Variants in MED12L observed in about 807,000 individuals in gnomAD.
The protein encoded by MED12L is mediator of RNA polymerase II transcription subunit 12-like protein.
Under a neutral mutation model 281.3 loss-of-function variants are expected in MED12L, and 60 were observed. That is an observed-to-expected ratio of 0.21 (90% CI 0.17 to 0.26). The LOEUF is 0.26. MED12L is among the 10% of genes least tolerant of loss of function. The pLI, the probability that MED12L is intolerant of heterozygous loss-of-function variation, is 1.00. For missense variants in MED12L, 2,146 were observed against 2,680.9 expected (o/e 0.80, Z 4.41); for synonymous variants, 974 against 987.2 (o/e 0.99, Z 0.25).
intron 21 of MED12L, among the ~76,000 whole-genome samples, chr3:151,362,511 G>A (rs994017091): frequency 1.3e-5 from 2 of 151,966 alleles, no homozygotes; most frequent in South Asian, 2.1e-4. Flanking sequence ...ACTCACGACT[G>A]TCTCCCTGAG....
chr3:151,264,411 A>G (rs1739455477), intron 16 of MED12L, among the ~76,000 whole-genome samples: 1 of 152,242 alleles, frequency 6.6e-6, no homozygotes, highest in African/African-American at 2.4e-5. Flanking sequence ...TCAGTTAGGA[A>G]AGAAGAAACT....
chr3:151,335,982 C>A (rs7621876), intron 16 of MED12L, among the ~76,000 whole-genome samples: 132,284 of 152,144 alleles, frequency 0.87, 57,675 homozygotes, highest in Middle Eastern at 0.95. Context: ...GTTTGTGTCC[C>A]CTCTGTAGTC....
At chr3:151,116,596 A>G (rs1256458031) in intron 3 of MED12L, among the ~76,000 whole-genome samples, 154 bp downstream of exon 3, 4 of 152,140 alleles carry the variant, frequency 2.6e-5, no homozygotes, top group East Asian at 1.9e-4. Context: ...CCAGGATCCA[A>G]TCAGGGATCA....
At chr3:151,233,280 C>G (rs1732070453) in intron 16 of MED12L, among the ~76,000 whole-genome samples, 1 of 152,208 alleles carries the variant, frequency 6.6e-6, no homozygotes. Flanking sequence ...ATCTCTTATT[C>G]TCATCACATT....
chr3:151,101,108 A>G (rs1721333114), intron 2 of MED12L, among the ~76,000 whole-genome samples: 2 of 152,256 alleles, frequency 1.3e-5, no homozygotes, highest in African/African-American at 2.4e-5. Flanking sequence ...GACCAGTGAC[A>G]GTATCAGACC....
intron 16 of MED12L, among the ~76,000 whole-genome samples, chr3:151,345,991 T>TA (rs1252765587): frequency 2.0e-5 from 3 of 152,196 alleles, no homozygotes; most frequent in Non-Finnish European, 2.9e-5. Context: ...ACACCCCTTA[T>TA]AGAGGTTGAG....
chr3:151,299,356 C>CTTTTCTTTTCTTTTCTTTTCTTTTCT (rs762843885), intron 16 of MED12L, among the ~76,000 whole-genome samples: 68 of 94,412 alleles, frequency 7.2e-4, no homozygotes, highest in African/African-American at 1.8e-3. Flanking sequence ...TTCCTTCCTT[C>CTTTTCTTTTCTTTTCTTTTCTTTTCT]TTTCTTTTCT....
At chr3:151,297,875 T>C (rs756367870) in intron 16 of MED12L, among the ~76,000 whole-genome samples, 1 of 151,982 alleles carries the variant, frequency 6.6e-6, no homozygotes, top group African/African-American at 2.4e-5. Context: ...CATATATACA[T>C]ATATATATAT....
rs73014887 is a variant in MED12L at position 151,128,494 on chromosome 3, C to A, written c.556+510C>A. On this transcript the variant is annotated intron_variant, in intron 5 of 44. Coordinates refer to ENST00000687756, the MANE Select transcript of MED12L (RefSeq NM_001393769.1). The stretch of plus-strand genomic sequence containing the variant: ...ATCTGCCCCCACCCCCGGCTCCCCC[C>A]CTTCCTGTGATGTTCCAGCCACAGT... Among the ~76,000 whole-genome samples the A allele has an allele frequency of 8.4e-3, 1,285 of 152,272 alleles. 17 individuals are homozygous for A. Among genetic ancestry groups the A allele is most frequent in the South Asian group, 0.011 (55 of 4,818 alleles).
chr3:151,128,596 A>T (rs1714897373), intron 5 of MED12L, among the ~76,000 whole-genome samples: 1 of 150,018 alleles, frequency 6.7e-6, no homozygotes, highest in South Asian at 2.1e-4. Flanking sequence ...TGTTTGTTGT[A>T]CTTGGTTGGT....
chr3:151,330,034 A>ACT (rs1333164836), intron 16 of MED12L, among the ~76,000 whole-genome samples: 2 of 152,174 alleles, frequency 1.3e-5, no homozygotes, highest in African/African-American at 4.8e-5. Context: ...AGAGGTGAAG[A>ACT]CTATTAGATC....
At chr3:151,426,840 C>G (rs1355570061) in intron 43 of MED12L, among the ~76,000 whole-genome samples, 1 of 143,778 alleles carries the variant, frequency 7.0e-6, no homozygotes, top group Non-Finnish European at 1.5e-5. Flanking sequence ...TTTTTTGAGA[C>G]AGGGTCTTAC....
At position 151,365,168 on chromosome 3, in the gene MED12L, A is replaced by G. The variant is rs758735982; in HGVS notation, c.3147A>G (p.Thr1049=). 3 of 1,614,016 alleles carry G rather than the reference A, an allele frequency of 1.9e-6. No homozygotes were observed. Among genetic ancestry groups the G allele is most frequent in the Non-Finnish European group, 2.5e-6 (3 of 1,179,932 alleles). ...AANRYSFVCN[T]LMNVCMGHQD... is the part of the protein sequence containing the mutation. ...ATCGCTACAGCTTTGTCTGCAATAC[A>G]CTCATGAATGTATGTATGGGCCATC... is the stretch of plus-strand genomic sequence containing the variant. Residue 1049 remains threonine (T), a synonymous_variant, in exon 22 of 45, where the codon ACA becomes ACG. Transcript: ENST00000687756.
chr3:151,358,632 C>A (rs183903311), intron 20 of MED12L, among the ~76,000 whole-genome samples: 171 of 151,986 alleles, frequency 1.1e-3, no homozygotes, highest in African/African-American at 4.1e-3. Flanking sequence ...TTAGTTTGGC[C>A]TTGAAAATTT....
chr3:151,176,183 A>G (rs927543280), intron 11 of MED12L, among the ~76,000 whole-genome samples: 19 of 152,178 alleles, frequency 1.2e-4, no homozygotes, highest in African/African-American at 4.6e-4. Context: ...TTGACCTAGT[A>G]GCTTTGAGAC....
At position 151,193,542 on chromosome 3, in the gene MED12L, G is replaced by C; in HGVS notation, c.2126G>C (p.Gly709Ala). 1 of 1,613,864 alleles carries C rather than the reference G, an allele frequency of 6.2e-7. No individual in the cohort carries two copies. The highest frequency in any genetic ancestry group is 1.1e-5 in the South Asian group (1 of 91,072). ...ESCENANTSL[G>A]RRMSVNCEKL... is the part of the protein sequence containing the mutation. ...TGTGAGAATGCCAACACTTCGTTGG[G>C]CAGAAGAATGTCAGTTAATTGTGAG... Residue 709 changes from glycine (G) to alanine (A), a missense_variant, in exon 16 of 45, where the codon GGC becomes GCC. By Grantham distance (60) the Gly-to-Ala change is moderately conservative. Around this residue, in one of 9 missense-constraint regions of MED12L, gnomAD observed 722 missense variants for 861.2 expected, o/e 0.84. Coordinates refer to ENST00000687756, the MANE Select transcript of MED12L (RefSeq NM_001393769.1).
In MED12L at chr3:151,229,220, C is replaced by T. The variant is rs149383668; in HGVS notation, c.2250+35554C>T. On this transcript the variant is annotated intron_variant, in intron 16 of 44. Transcript: ENST00000687756. ...TAACCCAAAGTGTTGTATGTTTCCT[C>T]CCTGTTTTGTGTATTAATCCCTGTT... 7.3e-3 allele frequency among the ~76,000 whole-genome samples: 1,115 copies of T among 152,216 alleles called. 13 individuals carry two copies. In the Middle Eastern group the frequency reaches 0.088, roughly 12 times the overall value.
At chr3:151,410,824 C>G (rs1716850886) in intron 40 of MED12L, among the ~76,000 whole-genome samples, 1 of 152,130 alleles carries the variant, frequency 6.6e-6, no homozygotes, top group African/African-American at 2.4e-5. Flanking sequence ...TAGTCACATA[C>G]TGGAAAAGTG....
rs145154986 is a variant in MED12L, at chr3:151,358,052, T to C, written c.2825+676T>C. On this transcript the variant is annotated intron_variant, in intron 20 of 44. Transcript: ENST00000687756. ...AAGACAACCTGTTATTTCTTTCTCT[T>C]CAGTTTTTCCTTCTGAGCTCAAAAG... 5.3e-4 allele frequency among the ~76,000 whole-genome samples: 80 copies of C among 152,286 alleles called. 1 individual carries two copies. The East Asian group carries it at 0.014, about 27-fold the overall frequency.
Sources: allele counts gnomAD v4.1 joint callset (sites outside exome capture counted in the v4.1 genomes callset), GRCh38; gene constraint gnomAD v4.1.1; regional missense constraint gnomAD v4.1.1; transcripts MANE v1.5; gene names NCBI Gene and HGNC (gene_info 2026-07-23, HGNC 2026-07-21).